IL17D: variants seen among roughly 807,000 people sequenced by gnomAD.
IL17D encodes interleukin 17D.
Under a neutral mutation model 5.7 loss-of-function variants are expected in IL17D, and 10 were observed. The ratio of observed to expected loss-of-function variants is 1.75; its 90% CI spans 1.08 to 2.97. IL17D has a LOEUF of 2.97. Among genes scored for constraint, IL17D ranks in the 30% most tolerant of loss-of-function variants. IL17D has a pLI of 0.00. For missense variants in IL17D, 354 were observed against 292.7 expected (o/e 1.21, Z -1.53); for synonymous variants, 172 against 141.7 (o/e 1.21, Z -1.52).
At chr13:20,710,727 G>A (rs1296654477) in intron 1 of IL17D, among the ~76,000 whole-genome samples, 3 of 151,108 alleles carry the variant, frequency 2.0e-5, no homozygotes, top group South Asian at 2.1e-4. Flanking sequence ...CCAATTTTTG[G>A]TAGTCGTCTA....
chr13:20,702,756 G>C (rs2058555256), upstream of IL17D: 1 of 152,214 alleles, frequency 6.6e-6, no homozygotes, highest in Admixed American at 6.5e-5. Context: ...GCCAGTCAGG[G>C]AAGTATTCAG....
At chr13:20,720,466 T>C (rs997687605) in intron 1 of IL17D, among the ~76,000 whole-genome samples, 4 of 152,242 alleles carry the variant, frequency 2.6e-5, no homozygotes, top group African/African-American at 7.2e-5. Flanking sequence ...CTATTTGGTA[T>C]GTTGGAGGGA....
Position 20,703,965 on chromosome 13 carries a change from G to T in IL17D, c.-37G>T. 1 of 999,050 alleles carries T rather than the reference G, an allele frequency of 1.0e-6. No homozygotes were observed. The highest frequency in any genetic ancestry group is 1.2e-6 in the Non-Finnish European group (1 of 839,918). The allele number at this position is 999,050 out of a possible 1,614,324, so 61.9% of individuals were successfully genotyped here. A position where few individuals can be genotyped will look rare whatever the true frequency, so the allele number is the denominator to read the frequency against. ...GGGCGCAGGCGGGCTCCTCCGGCGC[G>T]TGCGGACGCTGAGCGTGGCCTGTCC... On this transcript the variant is annotated 5_prime_UTR_variant, in exon 1 of 2. Coordinates refer to ENST00000682841, the MANE Select transcript of IL17D (RefSeq NM_001385224.1).
At chr13:20,705,644 C>A (rs2058586260) in intron 1 of IL17D, among the ~76,000 whole-genome samples, 1 of 152,192 alleles carries the variant, frequency 6.6e-6, no homozygotes, top group Non-Finnish European at 1.5e-5. Context: ...CTGCAGTGAG[C>A]TGTGGTGGCG....
intron 1 of IL17D, chr13:20,715,950 T>G (rs1356126901): frequency 1.2e-5 from 2 of 172,070 alleles, no homozygotes; most frequent in Admixed American, 6.5e-5. Context: ...AGAGTCTCAC[T>G]GTTGCCCAGG....
chr13:20,718,315 G>A (rs894924164), intron 1 of IL17D, among the ~76,000 whole-genome samples: 5 of 152,082 alleles, frequency 3.3e-5, no homozygotes, highest in Non-Finnish European at 5.9e-5. Flanking sequence ...TGCATGCCGC[G>A]TGCGTGTGAG....
At chr13:20,704,928 T>C (rs193287228) in intron 1 of IL17D, among the ~76,000 whole-genome samples, 89 of 152,148 alleles carry the variant, frequency 5.8e-4, no homozygotes, top group Middle Eastern at 3.4e-3. Flanking sequence ...GTGGGGATAA[T>C]TGGGAAAGAA....
At chr13:20,715,247 G>C (rs573844741) in intron 1 of IL17D, among the ~76,000 whole-genome samples, 2 of 128,202 alleles carry the variant, frequency 1.6e-5, no homozygotes, top group African/African-American at 5.7e-5. Flanking sequence ...TAGAGCAATT[G>C]AATCAGAATC....
At chr13:20,718,069 A>T (rs973898626) in intron 1 of IL17D, among the ~76,000 whole-genome samples, 1 of 151,940 alleles carries the variant, frequency 6.6e-6, no homozygotes, top group East Asian at 1.9e-4. Context: ...CACTCACCCC[A>T]CCCGTGAAGA....
chr13:20,720,652 T>G (rs1198057249), intron 1 of IL17D, among the ~76,000 whole-genome samples: 4 of 152,190 alleles, frequency 2.6e-5, no homozygotes, highest in African/African-American at 9.6e-5. Flanking sequence ...CGCTGCCCCA[T>G]CCTCTGGCCA....
At chr13:20,705,281 T>G in intron 1 of IL17D, among the ~76,000 whole-genome samples, 1 of 101,998 alleles carries the variant, frequency 9.8e-6, no homozygotes, top group African/African-American at 3.9e-5. Context: ...ACAAAGCGCT[T>G]GGAAAATGGG....
chr13:20,721,523 G>A, intron 1 of IL17D, 113 bp from the exon 2 acceptor site: 1 of 845,324 alleles, frequency 1.2e-6, no homozygotes. Flanking sequence ...CGCGCCCGCA[G>A]GCGGAGGACA....
At chr13:20,714,687 C>G (rs1246519295) in intron 1 of IL17D, among the ~76,000 whole-genome samples, 2 of 152,208 alleles carry the variant, frequency 1.3e-5, no homozygotes, top group Non-Finnish European at 2.9e-5. Context: ...CCTGGGGAAG[C>G]CAGTGGGGAT....
upstream of IL17D, chr13:20,703,173 C>G (rs972986388): frequency 8.3e-6 from 5 of 599,656 alleles, no homozygotes; most frequent in Non-Finnish European, 1.0e-5. Flanking sequence ...GCGCGCGACC[C>G]CAGGCCCTGG....
upstream of IL17D, chr13:20,703,315 G>T: frequency 1.0e-6 from 1 of 986,590 alleles, no homozygotes; most frequent in Non-Finnish European, 1.2e-6. Context: ...GATGTTGGGG[G>T]CACTGGTGAG....
chr13:20,712,128 C>T (rs950529959), intron 1 of IL17D, among the ~76,000 whole-genome samples: 1 of 152,362 alleles, frequency 6.6e-6, no homozygotes, highest in East Asian at 1.9e-4. Context: ...GGAATACAGC[C>T]AGGAACCACA....
At chr13:20,705,553 G>A (rs747148892) in intron 1 of IL17D, among the ~76,000 whole-genome samples, 3 of 152,164 alleles carry the variant, frequency 2.0e-5, no homozygotes, top group African/African-American at 4.8e-5. Flanking sequence ...AAGGATTAGC[G>A]AAGTGTGGTG....
intron 1 of IL17D, among the ~76,000 whole-genome samples, chr13:20,711,461 C>T (rs575534108): frequency 1.4e-4 from 21 of 152,152 alleles, no homozygotes; most frequent in Non-Finnish European, 2.6e-4. Context: ...GACCCAGTCA[C>T]CTCTTCAAGG....
chr13:20,704,266 CG>C lies in IL17D; in HGVS notation c.266del (p.Arg89ProfsTer32). On this transcript the variant is annotated frameshift_variant, in exon 1 of 2. Coordinates refer to ENST00000682841, the MANE Select transcript of IL17D (RefSeq NM_001385224.1). LOFTEE classifies it high-confidence loss of function. The part of the protein sequence containing the change: ...DRRFRPPTNL[R>X]SVSPWAYRIS... ...CCGCTTCCGGCCGCCCACCAACCTGCGCAGCGTGTCGCCCTGGGCCTACAGG... is the reference window on the plus strand; with the variant it reads ...CCGCTTCCGGCCGCCCACCAACCTGCCAGCGTGTCGCCCTGGGCCTACAGG... 1 of 1,272,686 alleles carries C rather than the reference CG, an allele frequency of 7.9e-7. No individual in the cohort carries two copies. Among genetic ancestry groups the C allele is most frequent in the Non-Finnish European group, 9.9e-7 (1 of 1,011,964 alleles). 78.8% of individuals were successfully genotyped at this position (1,272,686 alleles called of 1,614,324 possible).
Sources: gnomAD v4.1 joint callset for allele counts (sites outside exome capture counted in the v4.1 genomes callset) on GRCh38, gnomAD v4.1.1 for gene constraint, MANE v1.5 for transcripts, NCBI Gene and HGNC (gene_info 2026-07-23, HGNC 2026-07-21) for gene names.